MRM2: variants seen among roughly 807,000 people sequenced by gnomAD.
The protein encoded by MRM2 is mitochondrial rRNA methyltransferase 2, also known as rRNA methyltransferase 2, mitochondrial.
In MRM2, 15 loss-of-function variants were observed where a neutral mutation model predicts 10.9. That is an observed-to-expected ratio of 1.37 (90% CI 0.92 to 2.11). The LOEUF (loss-of-function observed/expected upper bound fraction) is 2.11, where lower values mean the gene tolerates loss of function less well. MRM2 is among the 30% of genes most tolerant of loss of function. The probability of loss-of-function intolerance (pLI) is 0.00; values close to 1 mark genes in which losing one functional copy is unlikely to be tolerated. For missense variants in MRM2, 328 were observed against 321.3 expected (o/e 1.02, Z -0.16); for synonymous variants, 139 against 128.7 (o/e 1.08, Z -0.54).
chr7:2,240,334 C>G, intron 1 of MRM2: 2 of 453,850 alleles, frequency 4.4e-6, no homozygotes, highest in Non-Finnish European at 8.9e-6. Flanking sequence ...AGGACAGATC[C>G]TTGCCTTAGT....
Position 2,234,829 on chromosome 7 carries a change from C to A in MRM2, c.*293G>T. On this transcript the variant is annotated 3_prime_UTR_variant, in exon 3 of 3. Coordinates refer to ENST00000242257, the MANE Select transcript of MRM2 (RefSeq NM_013393.3). ...CTGCCTCGGCGGATTCCTTCTGATC[C>A]TTCCCACAGTCTGTTTTTCTCCATC... 2.4e-6 allele frequency: 1 copy of A among 418,636 alleles called. No individual in the cohort carries two copies. The allele number at this position is 418,636 out of a possible 1,614,324, so 25.9% of individuals were successfully genotyped here.
Position 2,242,152 on chromosome 7 carries a change from C to T in MRM2, c.8+10G>A, listed in dbSNP as rs755188696. The stretch of plus-strand genomic sequence containing the variant: ...GCTGTCTGCACGCGCAGCAGCAGCG[C>T]CCAGCTCACCCCGCCATTGGTGTTC... On this transcript the variant is annotated intron_variant, in intron 1 of 2. Coordinates refer to ENST00000242257, the MANE Select transcript of MRM2 (RefSeq NM_013393.3). 8.2e-6 allele frequency: 13 copies of T among 1,583,834 alleles called. No individual in the cohort carries two copies. Among genetic ancestry groups the T allele is most frequent in the Admixed American group, 3.4e-5 (2 of 58,576 alleles).
At chr7:2,238,495 T>C (rs1480850120) in intron 2 of MRM2, 1 of 152,206 alleles carries the variant, frequency 6.6e-6, no homozygotes, top group Non-Finnish European at 1.5e-5. Context: ...GTGTCTCAGC[T>C]TCATCCAGAG....
intron 1 of MRM2, chr7:2,241,933 C>T (rs1005709770): frequency 1.3e-5 from 6 of 473,506 alleles, no homozygotes; most frequent in African/African-American, 1.0e-4. Context: ...CCGCCGCCGG[C>T]CCCGGCCTCC....
intron 2 of MRM2, among the ~76,000 whole-genome samples, chr7:2,236,345 G>T (rs764041683): frequency 6.6e-6 from 1 of 152,104 alleles, no homozygotes; most frequent in African/African-American, 2.4e-5. Context: ...AGAAACTACT[G>T]GAAACAAGTC....
rs1562400274 is a variant in MRM2 at position 2,235,581 on chromosome 7, G to GA, written c.299-18dup. 1.3e-6 allele frequency: 2 copies of GA among 1,548,734 alleles called. No individual in the cohort carries two copies. Among genetic ancestry groups the GA allele is most frequent in the Admixed American group, 3.5e-5 (2 of 57,266 alleles). On this transcript the variant is annotated splice_polypyrimidine_tract_variant and intron_variant, in intron 2 of 2. Transcript: ENST00000242257. ...AGCTGGGATCTATGGAAGAAATGGTGAATGTGTTATTTATTTACACCCTGA... is the reference window on the plus strand; with the variant it reads ...AGCTGGGATCTATGGAAGAAATGGTGAAATGTGTTATTTATTTACACCCTGA...
chr7:2,236,948 G>C (rs544009049), intron 2 of MRM2, among the ~76,000 whole-genome samples: 1 of 152,170 alleles, frequency 6.6e-6, no homozygotes. Flanking sequence ...CTTGTTTTAC[G>C]TAAGGTGACA....
At chr7:2,236,043 A>G (rs1794413803) in intron 2 of MRM2, among the ~76,000 whole-genome samples, 2 of 152,176 alleles carry the variant, frequency 1.3e-5, no homozygotes, top group Admixed American at 6.5e-5. Context: ...CAGCCTGGCC[A>G]ACATGGGGAA....
rs1562401728 is a variant in MRM2, at chr7:2,239,017, ATATATAT to A, written c.298+394_298+400del. 31 of 40,098 alleles carry A rather than the reference ATATATAT, an allele frequency of 7.7e-4. 3 individuals are homozygous for A. Among genetic ancestry groups the A allele is most frequent in the South Asian group, 1.9e-3 (3 of 1,568 alleles). 2.5% of individuals were successfully genotyped at this position (40,098 alleles called of 1,614,324 possible). A position where few individuals can be genotyped will look rare whatever the true frequency, so the allele number is the denominator to read the frequency against. Reference sequence around the variant, plus strand: ...TATATATATATATATATATATATATATATATATATATAATACATATATGTATGTATCA... The same window carrying A: ...TATATATATATATATATATATATATAATATAATACATATATGTATGTATCA... On this transcript the variant is annotated intron_variant, in intron 2 of 2. Coordinates refer to ENST00000242257, the MANE Select transcript of MRM2 (RefSeq NM_013393.3).
intron 1 of MRM2, among the ~76,000 whole-genome samples, chr7:2,240,797 C>T (rs1173020918): frequency 6.6e-6 from 1 of 151,950 alleles, no homozygotes; most frequent in Non-Finnish European, 1.5e-5. Context: ...CGGGTTCAAG[C>T]AATTCTCCTG....
rs369728243 is a variant in MRM2, at chr7:2,239,631, C to A, written c.85G>T (p.Gly29Cys). 34 of 1,614,014 alleles carry A rather than the reference C, an allele frequency of 2.1e-5. No homozygotes were observed. Among genetic ancestry groups the A allele is most frequent in the Non-Finnish European group, 2.9e-5 (34 of 1,180,046 alleles). The change falls in exon 2 of 3, where the codon GGC becomes TGC. Residue 29 changes from glycine to cysteine, a missense_variant. Transcript: ENST00000242257. ...CGGGTCAGCCACAGGTGCTCAGCGC[C>A]TGTCCGATTCTTGCAGCGACTCCCA... ...TVGSRCKNRT[G>C]AEHLWLTRHL...
Position 2,242,153 on chromosome 7 carries a change from C to T in MRM2, c.8+9G>A. ...CTGTCTGCACGCGCAGCAGCAGCGC[C>T]CAGCTCACCCCGCCATTGGTGTTCC... On this transcript the variant is annotated intron_variant, in intron 1 of 2. Transcript: ENST00000242257. The T allele has an allele frequency of 6.3e-7, 1 of 1,584,114 alleles. No individual in the cohort carries two copies. The highest frequency in any genetic ancestry group is 8.6e-7 in the Non-Finnish European group (1 of 1,169,376).
chr7:2,239,214 T>G lies in MRM2; in HGVS notation c.298+204A>C, dbSNP rs1481934318. The G allele has an allele frequency of 5.1e-6, 4 of 790,094 alleles. No individual in the cohort carries two copies. In the Admixed American group the frequency reaches 6.8e-5, roughly 13 times the overall value. 48.9% of individuals were successfully genotyped at this position (790,094 alleles called of 1,614,324 possible). A position where few individuals can be genotyped will look rare whatever the true frequency, so the allele number is the denominator to read the frequency against. ...GGTCTCATGCGAGGTGATTTCCATG[T>G]TCACTGCACCTTTCTACCTTGTCTT... On this transcript the variant is annotated intron_variant, in intron 2 of 2. Coordinates refer to ENST00000242257, the MANE Select transcript of MRM2 (RefSeq NM_013393.3).
intron 2 of MRM2, chr7:2,238,255 T>G (rs1794453623): frequency 6.6e-6 from 1 of 152,194 alleles, no homozygotes; most frequent in South Asian, 2.1e-4. Context: ...GCAAGGATAT[T>G]CACCACAGCA....
intron 2 of MRM2, among the ~76,000 whole-genome samples, chr7:2,237,148 A>C (rs774118202): frequency 3.3e-5 from 5 of 152,212 alleles, no homozygotes; most frequent in Non-Finnish European, 5.9e-5. Context: ...CTAGGACCAC[A>C]GGAACATGCC....
At chr7:2,241,579 G>A (rs953619022) in intron 1 of MRM2, among the ~76,000 whole-genome samples, 1 of 152,198 alleles carries the variant, frequency 6.6e-6, no homozygotes, top group African/African-American at 2.4e-5. Flanking sequence ...TGGGATGACA[G>A]GTGTGGGCCA....
Position 2,235,406 on chromosome 7 carries a change from T to C in MRM2, c.457A>G (p.Ser153Gly). ...CCTGTGGCATTGGGCGCCATGTCGC[T>C]CAGAATCACATCTGCTCTCCTGCCA... is the stretch of plus-strand genomic sequence containing the variant. ...LPGRRADVIL[S>G]DMAPNATGFR... The change falls in exon 3 of 3, where the codon AGC becomes GGC. Residue 153 changes from serine to glycine, a missense_variant. Physicochemically the swap from Ser to Gly is moderately conservative, Grantham distance 56. Transcript: ENST00000242257. 1 of 1,614,008 alleles carries C rather than the reference T, an allele frequency of 6.2e-7. No homozygotes were observed. Among genetic ancestry groups the C allele is most frequent in the Non-Finnish European group, 8.5e-7 (1 of 1,180,016 alleles).
chr7:2,234,967 AAAAG>A lies in MRM2; in HGVS notation c.*151_*154del, dbSNP rs1278875085. 19 of 625,128 alleles carry A rather than the reference AAAAG, an allele frequency of 3.0e-5. No individual in the cohort carries two copies. The highest frequency in any genetic ancestry group is 8.6e-4 in the Middle Eastern group (2 of 2,338). 38.7% of individuals were successfully genotyped at this position (625,128 alleles called of 1,614,324 possible). The stretch of plus-strand genomic sequence containing the variant: ...TAGTTTTGTCATCTCTTTTTGGTTA[AAAAG>A]AGAGAGAGAGAAAGAGAGAGAGAGA... On this transcript the variant is annotated 3_prime_UTR_variant, in exon 3 of 3. Transcript: ENST00000242257.
chr7:2,242,180 C>T lies in MRM2; in HGVS notation c.-11G>A, dbSNP rs1472176671. On this transcript the variant is annotated 5_prime_UTR_variant, in exon 1 of 3. Coordinates refer to ENST00000242257, the MANE Select transcript of MRM2 (RefSeq NM_013393.3). ...AGCTCACCCCGCCATTGGTGTTCCC[C>T]GCGCCTGCAGCGCGCCGCCGGAAGT... 6.3e-7 allele frequency: 1 copy of T among 1,583,656 alleles called. No homozygotes were observed. Among genetic ancestry groups the T allele is most frequent in the Non-Finnish European group, 8.5e-7 (1 of 1,170,040 alleles).
Sources: allele counts gnomAD v4.1 joint callset (sites outside exome capture counted in the v4.1 genomes callset), GRCh38; gene constraint gnomAD v4.1.1; transcripts MANE v1.5; gene names NCBI Gene and HGNC (gene_info 2026-07-23, HGNC 2026-07-21).